Variants in ARHGEF16 observed in about 807,000 individuals in gnomAD.
ARHGEF16 encodes Rho guanine nucleotide exchange factor 16.
A neutral mutation model predicts 74.1 loss-of-function variants in ARHGEF16; 59 were observed. The ratio of observed to expected loss-of-function variants is 0.80; its 90% CI spans 0.65 to 0.99. ARHGEF16 has a LOEUF of 0.99. Ranked by LOEUF, ARHGEF16 falls within the 50% of genes least tolerant of loss-of-function variation. ARHGEF16 has a pLI of 0.00. For missense variants in ARHGEF16, 948 were observed against 986.6 expected, an observed-to-expected ratio of 0.96 and a Z score of 0.52; for synonymous variants, 415 against 412.6, an observed-to-expected ratio of 1.01 and a Z score of -0.07.
chr1:3,474,538 G>A, intron 8 of ARHGEF16, 170 bp from the exon 9 acceptor site: 1 of 622,240 alleles, frequency 1.6e-6, no homozygotes, highest in Non-Finnish European at 2.9e-6. Context: ...CAGAGCTCCA[G>A]GTGGTGCAGA....
rs1264895205 is a variant in ARHGEF16 at position 3,474,772 on chromosome 1, C to A, written c.1370C>A (p.Ala457Asp). ...RYKAASRALKAISKLVRQCNE... is the reference protein window; with the variant it reads ...RYKAASRALKDISKLVRQCNE... ...AAGGCTGCCAGCCGTGCACTGAAGG[C>A]CATCAGCAAGGTAAGATGGGGCCTG... The change falls in exon 9 of 15, where the codon GCC becomes GAC. Residue 457 changes from alanine to aspartate, a missense_variant. Physicochemically the swap from Ala to Asp is moderately radical, Grantham distance 126. Coordinates refer to ENST00000378378, the MANE Select transcript of ARHGEF16 (RefSeq NM_014448.4). 6.2e-7 allele frequency: 1 copy of A among 1,612,772 alleles called. No individual in the cohort carries two copies. The highest frequency in any genetic ancestry group is 8.5e-7 in the Non-Finnish European group (1 of 1,179,968).
In ARHGEF16 at chr1:3,466,965, G is replaced by A. The variant is rs540635490; in HGVS notation, c.635-203G>A. The A allele has an allele frequency of 2.9e-5, 16 of 553,186 alleles. No individual in the cohort carries two copies. In the East Asian group the frequency reaches 4.8e-4, roughly 17 times the overall value. 34.3% of individuals were successfully genotyped at this position (553,186 alleles called of 1,614,324 possible). ...AGGGTTTGGAGGCACCCTGAGCCGG[G>A]ACCAGCCCATTTCAGGTGGGACTTG... is the stretch of plus-strand genomic sequence containing the variant. On this transcript the variant is annotated intron_variant, in intron 3 of 14. Coordinates refer to ENST00000378378, the MANE Select transcript of ARHGEF16 (RefSeq NM_014448.4).
At chr1:3,473,010 CTGTG>C in intron 6 of ARHGEF16, 64 bp from the exon 7 acceptor site, 3 of 1,535,826 alleles carry the variant, frequency 2.0e-6, no homozygotes, top group Non-Finnish European at 2.7e-6. Flanking sequence ...AGATGCATGT[CTGTG>C]TGTGCACACG....
chr1:3,468,846 G>A (rs1639622425), intron 4 of ARHGEF16, 34 bp from the exon 5 acceptor site: 1 of 1,549,682 alleles, frequency 6.5e-7, no homozygotes, highest in Non-Finnish European at 8.7e-7. Flanking sequence ...TCTAGGACGT[G>A]TGACCGAGAG....
intron 1 of ARHGEF16, among the ~76,000 whole-genome samples, chr1:3,462,376 T>C (rs953736224): frequency 6.6e-6 from 1 of 152,108 alleles, no homozygotes; most frequent in Admixed American, 6.5e-5. Context: ...TCCGCGACAG[T>C]CATATCACTG....
At chr1:3,473,845 C>T (rs376422215) in intron 8 of ARHGEF16, 1 of 419,580 alleles carries the variant, frequency 2.4e-6, no homozygotes, top group Non-Finnish European at 4.4e-6. Context: ...TCCCAGCCCC[C>T]ACCCCACCAG....
chr1:3,470,272 A>G (rs977942537), intron 6 of ARHGEF16, among the ~76,000 whole-genome samples: 6 of 144,334 alleles, frequency 4.2e-5, no homozygotes, highest in Non-Finnish European at 9.1e-5. Context: ...GTGTGTATGC[A>G]TGGGCAAGGG....
At chr1:3,478,646 C>A (rs768932750) in intron 12 of ARHGEF16, 34 bp downstream of exon 12, 13 of 1,575,560 alleles carry the variant, frequency 8.3e-6, no homozygotes, top group Non-Finnish European at 1.0e-5. Flanking sequence ...GTTCCCAGGC[C>A]ACAGGCACAT....
At chr1:3,479,645 G>GC (rs1284301066) in intron 13 of ARHGEF16, 55 bp downstream of exon 13, 10 of 1,591,250 alleles carry the variant, frequency 6.3e-6, no homozygotes, top group Middle Eastern at 1.7e-4. Context: ...TGGCACTTTG[G>GC]CCCCCACTGT....
intron 8 of ARHGEF16, 183 bp downstream of exon 8, chr1:3,473,705 C>A (rs1298427116): frequency 3.0e-6 from 3 of 995,296 alleles, no homozygotes; most frequent in Admixed American, 5.0e-5. Context: ...TCGCCGCCAC[C>A]CACAGAGCTC....
chr1:3,466,029 C>T, intron 2 of ARHGEF16, 119 bp from the exon 3 acceptor site: 1 of 1,126,688 alleles, frequency 8.9e-7, no homozygotes, highest in Non-Finnish European at 1.3e-6. Flanking sequence ...GAGCTGACAT[C>T]TATTGGGCAC....
Position 3,476,296 on chromosome 1 carries a change from C to A in ARHGEF16, c.1473+234C>A, listed in dbSNP as rs2100757086. 2.6e-5 allele frequency among the ~76,000 whole-genome samples: 4 copies of A among 152,296 alleles called. 1 individual carries two copies. Among genetic ancestry groups the A allele is most frequent in the Admixed American group, 2.6e-4 (4 of 15,306 alleles). On this transcript the variant is annotated intron_variant, in intron 10 of 14. Coordinates refer to ENST00000378378, the MANE Select transcript of ARHGEF16 (RefSeq NM_014448.4). ...TCCCCTAATCCCACTGGGTGGGCCT[C>A]TGTGGCCCTTGCCCCATCCCCAGGA...
rs1640047790 is a variant in ARHGEF16 at position 3,481,081 on chromosome 1, G to A, written c.*494G>A. The A allele has an allele frequency of 6.4e-6, 1 of 156,404 alleles. No homozygotes were observed. The highest frequency in any genetic ancestry group is 1.4e-5 in the Non-Finnish European group (1 of 71,142). The allele number at this position is 156,404 out of a possible 1,614,324, so 9.7% of individuals were successfully genotyped here. A position where few individuals can be genotyped will look rare whatever the true frequency, so the allele number is the denominator to read the frequency against. ...CCGGCAGGGAGATTTCGGTTTTGAG[G>A]TTTCTAAATACATTAAAGTTATTTC... On this transcript the variant is annotated 3_prime_UTR_variant, in exon 15 of 15. Transcript: ENST00000378378.
Position 3,463,053 on chromosome 1 carries a change from G to T in ARHGEF16, c.-19-13G>T. The T allele has an allele frequency of 7.0e-7, 1 of 1,438,128 alleles. No individual in the cohort carries two copies. Among genetic ancestry groups the T allele is most frequent in the Non-Finnish European group, 9.2e-7 (1 of 1,089,712 alleles). 89.1% of individuals were successfully genotyped at this position (1,438,128 alleles called of 1,614,324 possible). On this transcript the variant is annotated splice_polypyrimidine_tract_variant and intron_variant, in intron 1 of 14. Coordinates refer to ENST00000378378, the MANE Select transcript of ARHGEF16 (RefSeq NM_014448.4). Reference sequence around the variant, plus strand: ...AGCAGCCTCACGAGACCTCACTTCTGCCCTTCCCCCAGGACCCCACAGCCG... The same window carrying T: ...AGCAGCCTCACGAGACCTCACTTCTTCCCTTCCCCCAGGACCCCACAGCCG...
At chr1:3,478,316 C>T in intron 11 of ARHGEF16, 108 bp from the exon 12 acceptor site, 1 of 1,260,428 alleles carries the variant, frequency 7.9e-7, no homozygotes, top group East Asian at 2.3e-5. Context: ...CCGTCCGTGG[C>T]TGCCTCCCCA....
At chr1:3,469,212 C>T (rs1639635236) in intron 5 of ARHGEF16, among the ~76,000 whole-genome samples, 2 of 152,174 alleles carry the variant, frequency 1.3e-5, no homozygotes, top group Admixed American at 6.5e-5. Context: ...CGTTGCCCAG[C>T]TTCAGCCGGC....
At chr1:3,466,100 A>G (rs1569850421) in intron 2 of ARHGEF16, 48 bp from the exon 3 acceptor site, 1 of 1,545,570 alleles carries the variant, frequency 6.5e-7, no homozygotes, top group East Asian at 2.5e-5. Flanking sequence ...CGTGGGCAAC[A>G]CCTGCCCCGG....
intron 7 of ARHGEF16, 57 bp downstream of exon 7, chr1:3,473,287 C>A: frequency 1.9e-6 from 3 of 1,595,032 alleles, no homozygotes; most frequent in Non-Finnish European, 2.6e-6. Flanking sequence ...GCACCCTGGT[C>A]TCCCAAAGCA....
At chr1:3,467,367 C>T (rs1406610883) in intron 4 of ARHGEF16, 30 bp downstream of exon 4, 1 of 1,535,192 alleles carries the variant, frequency 6.5e-7, no homozygotes, top group Non-Finnish European at 8.8e-7. Flanking sequence ...GAGGCTGCCC[C>T]ACAGAGGCAG....
Sources: allele counts gnomAD v4.1 joint callset (sites outside exome capture counted in the v4.1 genomes callset), GRCh38; gene constraint gnomAD v4.1.1; transcripts MANE v1.5; gene names NCBI Gene and HGNC (gene_info 2026-07-23, HGNC 2026-07-21).